Variants in ABLIM2 observed in about 807,000 individuals in gnomAD.
ABLIM2 encodes actin binding LIM protein family member 2, also known as actin-binding LIM protein 2.
In ABLIM2, 53 loss-of-function variants were observed where a neutral mutation model predicts 97.7. That is an observed-to-expected ratio of 0.54 (90% CI 0.44 to 0.68). The LOEUF (loss-of-function observed/expected upper bound fraction) is 0.68, where lower values mean the gene tolerates loss of function less well. ABLIM2 is among the 30% of genes least tolerant of loss of function. ABLIM2 has a pLI of 0.00. For missense variants in ABLIM2, 835 were observed against 867.2 expected, an observed-to-expected ratio of 0.96 and a Z score of 0.47; for synonymous variants, 361 against 345.8, an observed-to-expected ratio of 1.04 and a Z score of -0.49.
intron 6 of ABLIM2, among the ~76,000 whole-genome samples, chr4:8,073,623 T>C (rs929838019): frequency 2.6e-5 from 4 of 151,942 alleles, no homozygotes; most frequent in South Asian, 2.1e-4. Flanking sequence ...CTGGGATGCA[T>C]CACTGGCTGT....
intron 1 of ABLIM2, among the ~76,000 whole-genome samples, chr4:8,143,075 C>A (rs770240409): frequency 6.7e-6 from 1 of 149,236 alleles, no homozygotes; most frequent in Non-Finnish European, 1.5e-5. Context: ...GGCTCTTGTC[C>A]TTCTTCTCCC....
chr4:8,034,372 G>T (rs1296117351), intron 10 of ABLIM2, among the ~76,000 whole-genome samples: 3 of 150,216 alleles, frequency 2.0e-5, no homozygotes, highest in Non-Finnish European at 4.4e-5. Flanking sequence ...GGTGCAGGGG[G>T]GTGTGTGGTA....
rs1235280160 is a variant in ABLIM2, at chr4:8,021,624, G to A, written c.1268-1321C>T. On this transcript the variant is annotated intron_variant, in intron 12 of 20. Coordinates refer to ENST00000447017, the MANE Select transcript of ABLIM2 (RefSeq NM_001130083.2). This position sits in a 1 kb window ranked among gnomAD's most constrained non-coding sequence, Gnocchi z 5.5. The stretch of plus-strand genomic sequence containing the variant: ...GATGTGCTGGGCCTGAAGGTGGACT[G>A]GCCAGGGACCCCACAGTGGACTCGT... 6.6e-6 allele frequency among the ~76,000 whole-genome samples: 1 copy of A among 152,226 alleles called. No homozygotes were observed. Among genetic ancestry groups the A allele is most frequent in the East Asian group, 1.9e-4 (1 of 5,186 alleles).
At position 7,999,834 on chromosome 4, in the gene ABLIM2, G is replaced by C. The variant is rs888128685; in HGVS notation, c.1619-6907C>G. Among the ~76,000 whole-genome samples, 2 of 152,166 alleles carry C rather than the reference G, an allele frequency of 1.3e-5. No homozygotes were observed. The highest frequency in any genetic ancestry group is 4.8e-5 in the African/African-American group (2 of 41,454). On this transcript the variant is annotated intron_variant, in intron 16 of 20. Transcript: ENST00000447017. This position sits in a 1 kb window ranked among gnomAD's most constrained non-coding sequence, Gnocchi z 4.4. ...TGGCCGCCTCCCCTCCATGAAGCCTGCCATAGCCACCTTGCCCTCAGCACC... is the reference window on the plus strand; with the variant it reads ...TGGCCGCCTCCCCTCCATGAAGCCTCCCATAGCCACCTTGCCCTCAGCACC...
In ABLIM2 at chr4:8,068,244, T is replaced by C. The variant is rs891617869; in HGVS notation, c.676-7190A>G. The stretch of plus-strand genomic sequence containing the variant: ...TCATGATGGCTCGGATTTCAAAATA[T>C]ATGAGCAACTGAAAGACTTTGCAGT... On this transcript the variant is annotated intron_variant, in intron 6 of 20. Transcript: ENST00000447017. This position sits in a 1 kb window ranked among gnomAD's most constrained non-coding sequence, Gnocchi z 4.5. 1.3e-5 allele frequency among the ~76,000 whole-genome samples: 2 copies of C among 152,130 alleles called. No individual in the cohort carries two copies. The highest frequency in any genetic ancestry group is 2.9e-5 in the Non-Finnish European group (2 of 68,020).
At chr4:8,108,488 G>A (rs1269626796) in intron 1 of ABLIM2, among the ~76,000 whole-genome samples, 1 of 152,240 alleles carries the variant, frequency 6.6e-6, no homozygotes, top group Non-Finnish European at 1.5e-5. Flanking sequence ...CAGCTGCATG[G>A]CAGACTCGCG....
At chr4:8,048,393 C>T (rs781554882) in intron 8 of ABLIM2, among the ~76,000 whole-genome samples, 6 of 152,198 alleles carry the variant, frequency 3.9e-5, no homozygotes, top group Non-Finnish European at 8.8e-5. Context: ...CTTTGCCTGG[C>T]CCCAGGGAGG....
intron 8 of ABLIM2, among the ~76,000 whole-genome samples, chr4:8,051,724 G>A (rs1796174391): frequency 6.6e-6 from 1 of 152,174 alleles, no homozygotes; most frequent in Non-Finnish European, 1.5e-5. Context: ...CCCAAACATG[G>A]CGATTCCTGT....
In ABLIM2 at chr4:8,004,204, G is replaced by C. The variant is rs980365031; in HGVS notation, c.1618+3855C>G. Among the ~76,000 whole-genome samples, 2 of 151,846 alleles carry C rather than the reference G, an allele frequency of 1.3e-5. No individual in the cohort carries two copies. The highest frequency in any genetic ancestry group is 2.9e-5 in the Non-Finnish European group (2 of 67,994). On this transcript the variant is annotated intron_variant, in intron 16 of 20. Transcript: ENST00000447017. This position sits in a 1 kb window ranked among gnomAD's most constrained non-coding sequence, Gnocchi z 5.9. Reference sequence around the variant, plus strand: ...AGACCAGGCAGCAGAGAGACAAGCAGAGACAAGCACCTCCCACCAGACATG... The same window carrying C: ...AGACCAGGCAGCAGAGAGACAAGCACAGACAAGCACCTCCCACCAGACATG...
At position 8,004,897 on chromosome 4, in the gene ABLIM2, T is replaced by C. The variant is rs1275263755; in HGVS notation, c.1618+3162A>G. 6.6e-6 allele frequency among the ~76,000 whole-genome samples: 1 copy of C among 152,174 alleles called. No homozygotes were observed. The highest frequency in any genetic ancestry group is 1.5e-5 in the Non-Finnish European group (1 of 68,028). On this transcript the variant is annotated intron_variant, in intron 16 of 20. Transcript: ENST00000447017. The surrounding 1 kb of genome is among the most constrained non-coding windows in gnomAD (Gnocchi z 5.9). ...GACGCCCTCTTTGGAGGGGTGGCAA[T>C]GCCTGCTGGGAACTAATGGAATGGG... is the stretch of plus-strand genomic sequence containing the variant.
chr4:8,151,788 T>C lies in ABLIM2; in HGVS notation c.10+6892A>G, dbSNP rs149946787. On this transcript the variant is annotated intron_variant, in intron 1 of 20. Coordinates refer to ENST00000447017, the MANE Select transcript of ABLIM2 (RefSeq NM_001130083.2). ...CTGGAGACGCTGCTGGGCTGGGCTG[T>C]GTAAGCAGGGGGAGAGGCACTGCCT... is the stretch of plus-strand genomic sequence containing the variant. Among the ~76,000 whole-genome samples the C allele has an allele frequency of 1.3e-4, 19 of 141,012 alleles. No individual in the cohort carries two copies. In the East Asian group the frequency reaches 3.9e-3, roughly 29 times the overall value. 92.5% of individuals were successfully genotyped at this position (141,012 alleles called of 152,430 possible).
Position 8,127,679 on chromosome 4 carries a change from T to C in ABLIM2, c.11-21042A>G. 7.9e-7 allele frequency: 1 copy of C among 1,268,138 alleles called. No homozygotes were observed. Among genetic ancestry groups the C allele is most frequent in the South Asian group, 1.3e-5 (1 of 79,548 alleles). The allele number at this position is 1,268,138 out of a possible 1,614,324, so 78.6% of individuals were successfully genotyped here. Reference sequence around the variant, plus strand: ...CAGGAGTGGACCGGGGAAGAGCCTCTGTGGCCCACAGGGCTCCCACAAGGT... The same window carrying C: ...CAGGAGTGGACCGGGGAAGAGCCTCCGTGGCCCACAGGGCTCCCACAAGGT... On this transcript the variant is annotated intron_variant, in intron 1 of 20. Coordinates refer to ENST00000447017, the MANE Select transcript of ABLIM2 (RefSeq NM_001130083.2). This position sits in a 1 kb window ranked among gnomAD's most constrained non-coding sequence, Gnocchi z 7.3.
In ABLIM2 at chr4:8,083,744, C is replaced by T. The variant is rs1259513821; in HGVS notation, c.455-2942G>A. 6.6e-6 allele frequency among the ~76,000 whole-genome samples: 1 copy of T among 152,320 alleles called. No individual in the cohort carries two copies. The highest frequency in any genetic ancestry group is 1.9e-4 in the East Asian group (1 of 5,178). The stretch of plus-strand genomic sequence containing the variant: ...ACTAGAGCTGTCAGCGGCAGGATGT[C>T]CCTAGCAGGGCAGAAGGGGCCCCAG... On this transcript the variant is annotated intron_variant, in intron 4 of 20. Transcript: ENST00000447017. The surrounding 1 kb of genome is among the most constrained non-coding windows in gnomAD (Gnocchi z 4.6).
intron 16 of ABLIM2, chr4:8,007,401 G>A (rs1338129178): frequency 1.0e-6 from 1 of 985,340 alleles, no homozygotes; most frequent in African/African-American, 1.7e-5. Context: ...CTTGCCCAAT[G>A]AAAACTGCCC....
rs61067460 is a variant in ABLIM2 at position 7,970,548 on chromosome 4, C to G, written c.1825-3445G>C. On this transcript the variant is annotated intron_variant, in intron 20 of 20. Transcript: ENST00000447017. The surrounding 1 kb of genome is among the most constrained non-coding windows in gnomAD (Gnocchi z 5.3). ...GAGAGAAGGGCAGGCTTGAGGATGACACCATGTGCTCCAGGCTGTGGGAGC... is the reference window on the plus strand; with the variant it reads ...GAGAGAAGGGCAGGCTTGAGGATGAGACCATGTGCTCCAGGCTGTGGGAGC... 0.017 allele frequency among the ~76,000 whole-genome samples: 2,538 copies of G among 151,970 alleles called. 63 individuals carry two copies. The highest frequency in any genetic ancestry group is 0.051 in the African/African-American group (2,122 of 41,450).
intron 1 of ABLIM2, among the ~76,000 whole-genome samples, chr4:8,117,654 CAA>C (rs901921320): frequency 2.0e-5 from 3 of 152,192 alleles, no homozygotes; most frequent in African/African-American, 7.2e-5. Context: ...CCTCTGGCCC[CAA>C]AGACTGCTTC....
At chr4:8,076,410 C>A (rs1816035365) in intron 6 of ABLIM2, among the ~76,000 whole-genome samples, 1 of 152,156 alleles carries the variant, frequency 6.6e-6, no homozygotes, top group African/African-American at 2.4e-5. Flanking sequence ...CCCATTCCAC[C>A]CTCTCCAGAC....
At position 8,158,760 on chromosome 4, in the gene ABLIM2, G is replaced by C. The variant is rs1055911350; in HGVS notation, c.-71C>G. The C allele has an allele frequency of 1.1e-4, 142 of 1,299,992 alleles. 1 individual carries two copies. The South Asian group carries it at 2.9e-3, about 27-fold the overall frequency. The allele number at this position is 1,299,992 out of a possible 1,614,324, so 80.5% of individuals were successfully genotyped here. A position where few individuals can be genotyped will look rare whatever the true frequency, so the allele number is the denominator to read the frequency against. ...AGACCCTCGGGCCCGCAGGTGCCGC[G>C]CCCGCGCTATCCTCCGCCCGCCCGC... On this transcript the variant is annotated 5_prime_UTR_variant, in exon 1 of 21. Transcript: ENST00000447017.
intron 1 of ABLIM2, among the ~76,000 whole-genome samples, chr4:8,135,225 T>C (rs1480160506): frequency 6.6e-6 from 1 of 152,220 alleles, no homozygotes; most frequent in Non-Finnish European, 1.5e-5. Flanking sequence ...CTGCAATGCA[T>C]GATTCTGGGT....
Sources: allele counts gnomAD v4.1 joint callset (sites outside exome capture counted in the v4.1 genomes callset), GRCh38; gene constraint gnomAD v4.1.1; non-coding constraint Gnocchi (gnomAD v3.1); transcripts MANE v1.5; gene names NCBI Gene and HGNC (gene_info 2026-07-23, HGNC 2026-07-21).